Variants in CBLB observed in about 807,000 individuals in gnomAD.
CBLB encodes the protein Cbl proto-oncogene B.
In CBLB, 31 loss-of-function variants were observed where a neutral mutation model predicts 104.9. The observed-to-expected ratio is 0.30, with a 90% confidence interval of 0.22 to 0.40. The LOEUF (loss-of-function observed/expected upper bound fraction) is 0.40. Among genes scored for constraint, CBLB ranks in the 10% least tolerant of loss-of-function variants. The pLI is 1.00. For missense variants in CBLB, 1,062 were observed against 1,214.6 expected, an observed-to-expected ratio of 0.87 and a Z score of 1.87; for synonymous variants, 440 against 422.6, an observed-to-expected ratio of 1.04 and a Z score of -0.51.
chr3:105,676,443 C>G (rs1252719955), intron 17 of CBLB, among the ~76,000 whole-genome samples: 3 of 152,046 alleles, frequency 2.0e-5, no homozygotes, highest in Non-Finnish European at 4.4e-5. Context: ...TCTTGGAAAG[C>G]TTGACTTTAT....
intron 3 of CBLB, among the ~76,000 whole-genome samples, chr3:105,851,345 A>C (rs545971674): frequency 1.3e-5 from 2 of 152,040 alleles, no homozygotes; most frequent in Non-Finnish European, 2.9e-5. Flanking sequence ...CTGCACAGAC[A>C]GTAAAAAGAT....
intron 3 of CBLB, among the ~76,000 whole-genome samples, chr3:105,808,314 T>A (rs10933832): frequency 0.98 from 149,196 of 152,304 alleles, 73,156 homozygotes; most frequent in East Asian, 1. Context: ...TTATAAAAGA[T>A]CTTTAAACTA....
chr3:105,796,819 T>C (rs779982167), intron 3 of CBLB, among the ~76,000 whole-genome samples: 3 of 152,074 alleles, frequency 2.0e-5, no homozygotes, highest in Admixed American at 6.6e-5. Flanking sequence ...CCAACAAGCA[T>C]AGGAAAAAAT....
intron 3 of CBLB, among the ~76,000 whole-genome samples, chr3:105,799,183 A>C (rs2082565168): frequency 6.6e-6 from 1 of 151,602 alleles, no homozygotes; most frequent in Non-Finnish European, 1.5e-5. Flanking sequence ...AGAACAAAAA[A>C]AAAAAAAAAA....
chr3:105,678,117 T>C (rs1330054365), intron 17 of CBLB, among the ~76,000 whole-genome samples: 2 of 152,204 alleles, frequency 1.3e-5, no homozygotes, highest in Non-Finnish European at 1.5e-5. Flanking sequence ...CCCATTACTA[T>C]TAGCCTAACC....
At chr3:105,840,613 A>C (rs567794517) in intron 3 of CBLB, among the ~76,000 whole-genome samples, 6 of 152,222 alleles carry the variant, frequency 3.9e-5, no homozygotes, top group Non-Finnish European at 8.8e-5. Flanking sequence ...ATTTAGAAAT[A>C]TATCACACAT....
At chr3:105,781,290 TA>T (rs1404614278) in intron 3 of CBLB, among the ~76,000 whole-genome samples, 1 of 152,194 alleles carries the variant, frequency 6.6e-6, no homozygotes, top group Non-Finnish European at 1.5e-5. Context: ...GGATTTGAAC[TA>T]GAGTGAATTA....
intron 12 of CBLB, among the ~76,000 whole-genome samples, chr3:105,695,734 T>G (rs2068281933): frequency 6.6e-6 from 1 of 151,852 alleles, no homozygotes; most frequent in Non-Finnish European, 1.5e-5. Context: ...TCTGAACCAT[T>G]CATTTGATGT....
intron 3 of CBLB, among the ~76,000 whole-genome samples, chr3:105,845,411 A>T (rs2090116963): frequency 2.0e-5 from 3 of 151,488 alleles, no homozygotes; most frequent in Admixed American, 6.6e-5. Flanking sequence ...TAAATAAATG[A>T]AATAAATAGC....
intron 17 of CBLB, among the ~76,000 whole-genome samples, chr3:105,675,613 GTGGTTCACGCC>G: frequency 1.3e-5 from 2 of 152,258 alleles, no homozygotes; most frequent in East Asian, 3.9e-4. Context: ...GCTGGGTGCA[GTGGTTCACGCC>G]TGCAATTCTA....
rs576818351 is a variant in CBLB, at chr3:105,855,916, T to C, written c.169-2252A>G. Among the ~76,000 whole-genome samples, 19 of 152,312 alleles carry C rather than the reference T, an allele frequency of 1.2e-4. No homozygotes were observed. In the South Asian group the frequency reaches 3.3e-3, roughly 27 times the overall value. On this transcript the variant is annotated intron_variant, in intron 2 of 18. Transcript: ENST00000394030. Reference sequence around the variant, plus strand: ...TATAAGTTTCAGGGGACATAAAACATGGATCTGCCTCTGGGCACCCATAAA... The same window carrying C: ...TATAAGTTTCAGGGGACATAAAACACGGATCTGCCTCTGGGCACCCATAAA...
Position 105,702,263 on chromosome 3 carries a change from T to A in CBLB, c.1790A>T (p.Asp597Val), listed in dbSNP as rs776863697. Residue 597 changes from aspartate to valine, a missense_variant, in exon 12 of 19, where the codon GAT becomes GTT. This residue lies in a region of CBLB where 605 missense variants were observed against 582.6 expected (regional missense o/e 1.04). Transcript: ENST00000394030. Reference sequence around the variant, plus strand: ...CACAAGCTGATTAGTCCCAAACACATCCCGAGGGCACCATGCTTCAAGAGG... The same window carrying A: ...CACAAGCTGATTAGTCCCAAACACAACCCGAGGGCACCATGCTTCAAGAGG... ...PMPLEAWCPRDVFGTNQLVGC... is the reference protein window; with the variant it reads ...PMPLEAWCPRVVFGTNQLVGC... 1.2e-6 allele frequency: 2 copies of A among 1,613,892 alleles called. No individual in the cohort carries two copies. Among genetic ancestry groups the A allele is most frequent in the African/African-American group, 2.7e-5 (2 of 74,928 alleles).
chr3:105,756,932 T>C (rs1463194251), intron 4 of CBLB, among the ~76,000 whole-genome samples: 1 of 152,160 alleles, frequency 6.6e-6, no homozygotes, highest in Non-Finnish European at 1.5e-5. Flanking sequence ...CTTGGTGCCA[T>C]CCTGACGACA....
chr3:105,663,927 A>T (rs1331317750), intron 18 of CBLB, among the ~76,000 whole-genome samples: 1 of 150,470 alleles, frequency 6.6e-6, no homozygotes, highest in African/African-American at 2.4e-5. Context: ...AAAGTGTCCA[A>T]AAGGCCCGTA....
intron 3 of CBLB, among the ~76,000 whole-genome samples, chr3:105,795,609 T>C (rs749465191): frequency 6.6e-6 from 1 of 152,238 alleles, no homozygotes; most frequent in Non-Finnish European, 1.5e-5. Flanking sequence ...CTCTACTTTC[T>C]GTCAAAACTT....
chr3:105,761,044 T>C (rs2077571034), intron 4 of CBLB, among the ~76,000 whole-genome samples: 1 of 152,206 alleles, frequency 6.6e-6, no homozygotes, highest in South Asian at 2.1e-4. Flanking sequence ...TCATTTCATT[T>C]TGTTTTGTGG....
intron 9 of CBLB, among the ~76,000 whole-genome samples, chr3:105,727,398 T>G (rs944741058): frequency 7.9e-5 from 12 of 151,942 alleles, no homozygotes; most frequent in Admixed American, 7.9e-4. Flanking sequence ...TTGACTTTGT[T>G]TTTTTTTCTT....
intron 13 of CBLB, among the ~76,000 whole-genome samples, chr3:105,692,275 G>C (rs2067808051): frequency 1.3e-5 from 2 of 152,190 alleles, no homozygotes; most frequent in Non-Finnish European, 2.9e-5. Context: ...AATACAGTAA[G>C]ATGTTATGGG....
chr3:105,719,956 A>C, intron 10 of CBLB, 91 bp downstream of exon 10: 1 of 1,001,146 alleles, frequency 1.0e-6, no homozygotes, highest in Non-Finnish European at 1.6e-6. Context: ...TTCTAAACTC[A>C]AATACGCTGA....
Sources: allele counts gnomAD v4.1 joint callset (sites outside exome capture counted in the v4.1 genomes callset), GRCh38; gene constraint gnomAD v4.1.1; regional missense constraint gnomAD v4.1.1; transcripts MANE v1.5; gene names NCBI Gene and HGNC (gene_info 2026-07-23, HGNC 2026-07-21).